Variants in ANO9 observed in about 807,000 individuals in gnomAD.
ANO9 encodes the protein anoctamin-9.
Under a neutral mutation model 100.5 loss-of-function variants are expected in ANO9, and 80 were observed. The observed-to-expected ratio is 0.80, with a 90% confidence interval of 0.66 to 0.96. ANO9 has a LOEUF of 0.96. ANO9 is among the 40% of genes least tolerant of loss of function. The pLI is 0.00. For synonymous variants in ANO9, 473 were observed against 435.6 expected, an observed-to-expected ratio of 1.09 and a Z score of -1.07; for missense variants, 1,064 against 1,072.7, an observed-to-expected ratio of 0.99 and a Z score of 0.11.
At position 421,112 on chromosome 11, in the gene ANO9, A is replaced by G; in HGVS notation, c.1392+29T>C. 3 of 1,576,394 alleles carry G rather than the reference A, an allele frequency of 1.9e-6. No homozygotes were observed. The highest frequency in any genetic ancestry group is 2.3e-5 in the South Asian group (2 of 87,480). ...CGGTCAGGGGAGCAGTGGCTCAGGG[A>G]CAGGGCATGAAGCCTGGGGGTGACT... On this transcript the variant is annotated intron_variant, in intron 16 of 22. Coordinates refer to ENST00000332826, the MANE Select transcript of ANO9 (RefSeq NM_001012302.3). This position sits in a 1 kb window ranked among gnomAD's most constrained non-coding sequence, Gnocchi z 6.8.
Position 432,297 on chromosome 11 carries a change from CCTT to C in ANO9, c.351-246_351-244del. 5.5e-6 allele frequency: 3 copies of C among 550,006 alleles called. No homozygotes were observed. Among genetic ancestry groups the C allele is most frequent in the East Asian group, 3.0e-5 (1 of 33,062 alleles). 34.1% of individuals were successfully genotyped at this position (550,006 alleles called of 1,614,324 possible). A position where few individuals can be genotyped will look rare whatever the true frequency, so the allele number is the denominator to read the frequency against. ...CCAGGATGAGGCTGGGCTGGGGGCT[CCTT>C]CTCCTCCCAGCCCGTCCCTCCCAGA... On this transcript the variant is annotated intron_variant, in intron 4 of 22. Coordinates refer to ENST00000332826, the MANE Select transcript of ANO9 (RefSeq NM_001012302.3). The surrounding 1 kb of genome is among the most constrained non-coding windows in gnomAD (Gnocchi z 4.8).
In ANO9 at chr11:418,182, GC is replaced by G; in HGVS notation, c.*188del. 1.6e-6 allele frequency: 1 copy of G among 629,926 alleles called. No individual in the cohort carries two copies. Among genetic ancestry groups the G allele is most frequent in the Non-Finnish European group, 2.7e-6 (1 of 370,858 alleles). The allele number at this position is 629,926 out of a possible 1,614,324, so 39.0% of individuals were successfully genotyped here. A position where few individuals can be genotyped will look rare whatever the true frequency, so the allele number is the denominator to read the frequency against. ...AGTCAGGGCTGTGCCAAGCCTGAGA[GC>G]CCCCACAAAGACGGAGCAGGCGGAA... On this transcript the variant is annotated 3_prime_UTR_variant, in exon 23 of 23. Transcript: ENST00000332826.
chr11:431,928 G>C (rs373093473), intron 5 of ANO9, 22 bp from the exon 6 acceptor site: 47 of 1,611,518 alleles, frequency 2.9e-5, no homozygotes, highest in Non-Finnish European at 3.5e-5. Context: ...GGGTTCACGA[G>C]TCAGGGGGAG....
rs543350197 is a variant in ANO9 at position 433,689 on chromosome 11, G to A, written c.204+126C>T. The A allele has an allele frequency of 8.1e-3, 11,724 of 1,440,840 alleles. 65 individuals are homozygous for A. Among genetic ancestry groups the A allele is most frequent in the Non-Finnish European group, 9.9e-3 (10,877 of 1,094,454 alleles). The allele number at this position is 1,440,840 out of a possible 1,614,324, so 89.3% of individuals were successfully genotyped here. On this transcript the variant is annotated intron_variant, in intron 3 of 22. Transcript: ENST00000332826. Reference sequence around the variant, plus strand: ...AGAGAGCCTCCAAGCCTGGCCCTCCGTGCCGCCATGACCGGCCCCACAGCC... The same window carrying A: ...AGAGAGCCTCCAAGCCTGGCCCTCCATGCCGCCATGACCGGCCCCACAGCC...
intron 1 of ANO9, among the ~76,000 whole-genome samples, chr11:439,788 C>T (rs1213251797): frequency 6.7e-6 from 1 of 148,498 alleles, no homozygotes; most frequent in East Asian, 1.9e-4. Flanking sequence ...GCAAACCCTC[C>T]CCAGCTGGCT....
chr11:432,316 C>G lies in ANO9; in HGVS notation c.351-262G>C, dbSNP rs1329702336. 3.7e-6 allele frequency: 2 copies of G among 535,746 alleles called. No individual in the cohort carries two copies. The highest frequency in any genetic ancestry group is 6.8e-6 in the Non-Finnish European group (2 of 296,182). 33.2% of individuals were successfully genotyped at this position (535,746 alleles called of 1,614,324 possible). ...GGGGCTCCTTCTCCTCCCAGCCCGT[C>G]CCTCCCAGAAGCCCAGACCACAGCC... On this transcript the variant is annotated intron_variant, in intron 4 of 22. Transcript: ENST00000332826. This position sits in a 1 kb window ranked among gnomAD's most constrained non-coding sequence, Gnocchi z 4.8.
chr11:429,194 G>A (rs1848724304), intron 11 of ANO9, among the ~76,000 whole-genome samples: 1 of 134,792 alleles, frequency 7.4e-6, no homozygotes, highest in African/African-American at 2.8e-5. Flanking sequence ...ACGCCTCACG[G>A]GTGGACAGAC....
chr11:436,006 G>A (rs1849503524), intron 1 of ANO9, among the ~76,000 whole-genome samples: 1 of 147,678 alleles, frequency 6.8e-6, no homozygotes, highest in South Asian at 2.2e-4. Flanking sequence ...TTGTTTATGT[G>A]ACATTGTGAC....
Position 419,621 on chromosome 11 carries a change from C to T in ANO9, c.1895G>A (p.Arg632His), listed in dbSNP as rs759531921. Residue 632 changes from arginine to histidine, a missense_variant, in exon 20 of 23, where the codon CGC becomes CAC. Physicochemically the swap from Arg to His is conservative, Grantham distance 29. Coordinates refer to ENST00000332826, the MANE Select transcript of ANO9 (RefSeq NM_001012302.3). ...EFIPRVVYKY[R>H]YSPCLKEGNS... ...GCCTTCTTTCAGGCATGGGCTATAG[C>T]GGTACTTGTAGACCACTCGGGGGAT... The T allele has an allele frequency of 3.1e-5, 50 of 1,613,510 alleles. No homozygotes were observed. Among genetic ancestry groups the T allele is most frequent in the Non-Finnish European group, 3.8e-5 (45 of 1,179,868 alleles).
chr11:433,560 T>G, intron 3 of ANO9, 101 bp from the exon 4 acceptor site: 1 of 1,344,616 alleles, frequency 7.4e-7, no homozygotes, highest in Non-Finnish European at 9.8e-7. Context: ...CCCTCCCCCC[T>G]CTATTCCGCC....
intron 1 of ANO9, among the ~76,000 whole-genome samples, chr11:440,981 C>T (rs1353708158): frequency 6.6e-6 from 1 of 152,234 alleles, no homozygotes; most frequent in Non-Finnish European, 1.5e-5. Flanking sequence ...CTGGCCAGCC[C>T]CAAGTCTCTC....
intron 15 of ANO9, among the ~76,000 whole-genome samples, chr11:423,882 T>TACAC (rs1378695546): frequency 4.4e-4 from 23 of 52,578 alleles, no homozygotes; most frequent in South Asian, 9.0e-4. Flanking sequence ...CACAGTTGAA[T>TACAC]ACTCACACAC....
Position 433,477 on chromosome 11 carries a change from C to CCTCTATCCCACCTCAGAACCCTCCCCG in ANO9, c.205-45_205-19dup. 1.9e-6 allele frequency: 3 copies of CCTCTATCCCACCTCAGAACCCTCCCCG among 1,610,954 alleles called. No individual in the cohort carries two copies. The highest frequency in any genetic ancestry group is 1.7e-4 in the Middle Eastern group (1 of 6,048). On this transcript the variant is annotated intron_variant, in intron 3 of 22. Transcript: ENST00000332826. ...CGGATCACCTGGGGGCACATGGGAT[C>CCTCTATCCCACCTCAGAACCCTCCCCG]CTCTATCCCACCTCAGAACCCTCCC...
intron 15 of ANO9, among the ~76,000 whole-genome samples, chr11:425,840 T>C (rs1848489036): frequency 6.6e-6 from 1 of 152,142 alleles, no homozygotes; most frequent in Admixed American, 6.5e-5. Flanking sequence ...CACACCATTC[T>C]GCCTCAGCCT....
chr11:423,702 TG>T (rs1471776637), intron 15 of ANO9, among the ~76,000 whole-genome samples: 4 of 150,844 alleles, frequency 2.7e-5, no homozygotes, highest in Non-Finnish European at 5.9e-5. Context: ...AGACGTGCGG[TG>T]GGGGGTTTGG....
chr11:419,742 A>C lies in ANO9; in HGVS notation c.1787-13T>G, dbSNP rs1010312416. The C allele has an allele frequency of 1.9e-6, 3 of 1,592,938 alleles. No homozygotes were observed. The highest frequency in any genetic ancestry group is 2.6e-6 in the Non-Finnish European group (3 of 1,173,306). ...TGCAGCCAGGTCCCTGCACCAGAGC[A>C]GTGGGCAAGCGGTCTGACTCAGCGT... On this transcript the variant is annotated splice_polypyrimidine_tract_variant and intron_variant, in intron 19 of 22. Transcript: ENST00000332826.
intron 4 of ANO9, chr11:433,052 CTG>C (rs1331897288): frequency 1.6e-5 from 8 of 488,830 alleles, no homozygotes; most frequent in South Asian, 3.3e-5. Flanking sequence ...CTGGCTGTGA[CTG>C]TGTCCCCAGG....
intron 1 of ANO9, among the ~76,000 whole-genome samples, chr11:437,036 C>CG (rs1215755796): frequency 4.5e-5 from 3 of 66,546 alleles, no homozygotes; most frequent in Non-Finnish European, 9.2e-5. Context: ...GGGGGGTGAG[C>CG]GGGGGGTGCG....
chr11:433,612 G>T (rs1168805688), intron 3 of ANO9, among the ~76,000 whole-genome samples, 153 bp from the exon 4 acceptor site: 1 of 146,092 alleles, frequency 6.8e-6, no homozygotes, highest in African/African-American at 2.6e-5. Context: ...CCAGAGCCAC[G>T]GAGCTGCCTC....
Sources: allele counts gnomAD v4.1 joint callset (sites outside exome capture counted in the v4.1 genomes callset), GRCh38; gene constraint gnomAD v4.1.1; non-coding constraint Gnocchi (gnomAD v3.1); transcripts MANE v1.5; gene names NCBI Gene and HGNC (gene_info 2026-07-23, HGNC 2026-07-21).